The following ABCD3 variants were observed in gnomAD, a reference collection of about 807,000 sequenced individuals.
ABCD3 encodes ATP binding cassette subfamily D member 3, also known as ATP-binding cassette sub-family D member 3.
Under a neutral mutation model 105.5 loss-of-function variants are expected in ABCD3, and 41 were observed. The ratio of observed to expected loss-of-function variants is 0.39; its 90% CI spans 0.30 to 0.50. ABCD3 has a LOEUF of 0.50. Ranked by LOEUF, ABCD3 falls within the 20% of genes least tolerant of loss-of-function variation. The pLI is 0.84. For synonymous variants in ABCD3, 258 were observed against 269.0 expected (o/e 0.96, Z 0.40); for missense variants, 622 against 806.3 (o/e 0.77, Z 2.77).
chr1:94,498,722 C>T, intron 17 of ABCD3, 43 bp downstream of exon 17: 1 of 1,612,574 alleles, frequency 6.2e-7, no homozygotes, highest in East Asian at 2.2e-5. Flanking sequence ...CTTATTTTGC[C>T]ATACTGTCTA....
At chr1:94,515,938 AG>A (rs1156293112) in intron 22 of ABCD3, among the ~76,000 whole-genome samples, 5 of 150,002 alleles carry the variant, frequency 3.3e-5, no homozygotes, top group Admixed American at 1.3e-4. Context: ...TAAATGATAT[AG>A]AAATTTTAGG....
intron 4 of ABCD3, 33 bp downstream of exon 4, chr1:94,468,040 T>A: frequency 6.9e-7 from 1 of 1,439,056 alleles, no homozygotes. Flanking sequence ...CCTATATGTA[T>A]GAAATGCTAA....
the ABCD3 span, chr1:94,406,493 C>T: frequency 2.4e-6 from 1 of 411,570 alleles, no homozygotes; most frequent in Non-Finnish European, 4.8e-6. Context: ...GCTGGCGCTT[C>T]AGTTGAATCC....
chr1:94,473,380 A>G (rs1180932570), intron 4 of ABCD3, among the ~76,000 whole-genome samples: 1 of 152,144 alleles, frequency 6.6e-6, no homozygotes, highest in South Asian at 2.1e-4. Context: ...TCAGATTATT[A>G]AAATATTTTA....
intron 2 of ABCD3, among the ~76,000 whole-genome samples, chr1:94,462,226 A>T (rs1449055545): frequency 1.3e-5 from 2 of 152,142 alleles, no homozygotes; most frequent in African/African-American, 4.8e-5. Flanking sequence ...GGAAGTTTAG[A>T]AGTGGGAAAA....
chr1:94,405,050 T>C, the ABCD3 span, among the ~76,000 whole-genome samples: 6 of 152,190 alleles, frequency 3.9e-5, no homozygotes, highest in Non-Finnish European at 8.8e-5. Flanking sequence ...ATTAGTGTCC[T>C]ATACTTGAAC....
At chr1:94,505,974 A>T (rs563207551) in intron 20 of ABCD3, among the ~76,000 whole-genome samples, 1 of 152,358 alleles carries the variant, frequency 6.6e-6, no homozygotes, top group African/African-American at 2.4e-5. Flanking sequence ...GAAAATGTTC[A>T]TCATTCCTGA....
At chr1:94,444,031 A>G (rs1660237365) in intron 1 of ABCD3, among the ~76,000 whole-genome samples, 1 of 151,428 alleles carries the variant, frequency 6.6e-6, no homozygotes, top group East Asian at 1.9e-4. Context: ...TTTTGCTTCT[A>G]TCTGTGTTTT....
At chr1:94,389,120 A>G in the ABCD3 span, among the ~76,000 whole-genome samples, 1 of 152,222 alleles carries the variant, frequency 6.6e-6, no homozygotes, top group African/African-American at 2.4e-5. Flanking sequence ...GCAGGAAGCA[A>G]CAATTATAGA....
At chr1:94,509,371 G>A (rs950785588) in intron 21 of ABCD3, among the ~76,000 whole-genome samples, 3 of 152,046 alleles carry the variant, frequency 2.0e-5, no homozygotes, top group Non-Finnish European at 4.4e-5. Context: ...TTTTGATGTG[G>A]TGCTGGATTC....
intron 1 of ABCD3, among the ~76,000 whole-genome samples, chr1:94,425,897 G>A (rs1478729587): frequency 6.6e-6 from 1 of 152,000 alleles, no homozygotes; most frequent in Non-Finnish European, 1.5e-5. Flanking sequence ...TTTTTCCTTT[G>A]GCCGTTTGTC....
chr1:94,412,015 G>A, the ABCD3 span, among the ~76,000 whole-genome samples: 4 of 152,270 alleles, frequency 2.6e-5, no homozygotes, highest in South Asian at 8.3e-4. Flanking sequence ...GGGAATGACT[G>A]CTTAATGGGT....
At chr1:94,487,814 A>G (rs376406123) in intron 12 of ABCD3, 23 bp downstream of exon 12, 2 of 1,612,142 alleles carry the variant, frequency 1.2e-6, no homozygotes, top group Non-Finnish European at 1.7e-6. Context: ...TAATACAATG[A>G]AAATGTAACA....
Position 94,442,588 on chromosome 1 carries a change from T to C in ABCD3, c.111-16019T>C, listed in dbSNP as rs187194746. On this transcript the variant is annotated intron_variant, in intron 1 of 22. Transcript: ENST00000370214. Reference sequence around the variant, plus strand: ...CCCATCACCTGAATAGTGAATGTTCTACCCAATAGGTAATTTTGCAACCCT... The same window carrying C: ...CCCATCACCTGAATAGTGAATGTTCCACCCAATAGGTAATTTTGCAACCCT... 2.6e-3 allele frequency among the ~76,000 whole-genome samples: 394 copies of C among 152,346 alleles called. 3 individuals are homozygous for C. Among genetic ancestry groups the C allele is most frequent in the African/African-American group, 9.2e-3 (381 of 41,596 alleles).
rs1570850600 is a variant in ABCD3 at position 94,517,072 on chromosome 1, C to A, written c.1923C>A (p.Gly641=). The A allele has an allele frequency of 7.4e-6, 12 of 1,610,750 alleles. No individual in the cohort carries two copies. Among genetic ancestry groups the A allele is most frequent in the Non-Finnish European group, 1.0e-5 (12 of 1,177,506 alleles). Residue 641 remains glycine (G), a synonymous_variant, in exon 23 of 23, where the codon GGC becomes GGA. Transcript: ENST00000370214. ...CATAGTACTACCTGCATATGGATGGCAGAGGCAACTATGAATTCAAACAGA... is the reference window on the plus strand; with the variant it reads ...CATAGTACTACCTGCATATGGATGGAAGAGGCAACTATGAATTCAAACAGA... ...KHHEYYLHMD[G]RGNYEFKQIT... is the part of the protein sequence containing the mutation.
chr1:94,403,231 A>C, the ABCD3 span, among the ~76,000 whole-genome samples: 1 of 152,058 alleles, frequency 6.6e-6, no homozygotes, highest in Non-Finnish European at 1.5e-5. Flanking sequence ...GATGAGATTC[A>C]TATTATGCAT....
intron 1 of ABCD3, among the ~76,000 whole-genome samples, chr1:94,430,433 C>T (rs978026802): frequency 6.6e-6 from 1 of 152,098 alleles, no homozygotes; most frequent in African/African-American, 2.4e-5. Context: ...ATCTTGAATT[C>T]CCAGTGTTGT....
intron 20 of ABCD3, among the ~76,000 whole-genome samples, chr1:94,500,943 C>A (rs1305526472): frequency 2.0e-5 from 3 of 151,954 alleles, no homozygotes; most frequent in African/African-American, 7.3e-5. Context: ...ATAGAAATAA[C>A]TGCAAAAAAG....
chr1:94,398,992 C>CA, the ABCD3 span, among the ~76,000 whole-genome samples: 487 of 144,694 alleles, frequency 3.4e-3, 10 homozygotes, highest in Admixed American at 0.015. Flanking sequence ...GTTGTACTCT[C>CA]AAAAAAAAAA....
Sources: gnomAD v4.1 joint callset for allele counts (sites outside exome capture counted in the v4.1 genomes callset) on GRCh38, gnomAD v4.1.1 for gene constraint, MANE v1.5 for transcripts, NCBI Gene and HGNC (gene_info 2026-07-23, HGNC 2026-07-21) for gene names.